Variants in RANGAP1 observed in about 807,000 individuals in gnomAD.
RANGAP1 encodes the protein ran GTPase-activating protein 1.
RANGAP1 carries 38 observed loss-of-function variants against 63.5 expected under a neutral mutation model. That is an observed-to-expected ratio of 0.60 (90% CI 0.46 to 0.78). The LOEUF is 0.78. Among genes scored for constraint, RANGAP1 ranks in the 30% least tolerant of loss-of-function variants. RANGAP1 has a pLI of 0.00. For missense variants in RANGAP1, 630 were observed against 740.3 expected (o/e 0.85, Z 1.73); for synonymous variants, 329 against 310.5 (o/e 1.06, Z -0.63).
chr22:41,249,352 G>A lies in RANGAP1; in HGVS notation c.1672C>T (p.Leu558=), dbSNP rs1693491752. The change falls in exon 15 of 16, where the codon CTG becomes TTG. Residue 558 remains leucine, a synonymous_variant. Transcript: ENST00000356244. ...CACTTGGTCACGAACGCCAGCAGCA[G>A]GGGTGCAAGGGCCTTGGGGAAATAG... ...QDYFPKALAP[L]LLAFVTKPNS... is the part of the protein sequence containing the mutation. The A allele has an allele frequency of 6.2e-7, 1 of 1,609,358 alleles. No individual in the cohort carries two copies. Among genetic ancestry groups the A allele is most frequent in the Admixed American group, 1.7e-5 (1 of 59,548 alleles).
chr22:41,265,358 TC>T (rs1319332552), intron 4 of RANGAP1, among the ~76,000 whole-genome samples: 1 of 151,898 alleles, frequency 6.6e-6, no homozygotes, highest in Non-Finnish European at 1.5e-5. Flanking sequence ...GGAATTAATA[TC>T]CCCAGACCTG....
At chr22:41,273,766 C>CAAAAAAAA (rs71200678) in intron 3 of RANGAP1, among the ~76,000 whole-genome samples, 1,290 of 24,346 alleles carry the variant, frequency 0.053, 305 homozygotes, top group Non-Finnish European at 0.062. Flanking sequence ...GACTCCATCT[C>CAAAAAAAA]AAAAAAAAAA....
At chr22:41,280,885 T>C in intron 2 of RANGAP1, 48 bp downstream of exon 2, 2 of 1,611,186 alleles carry the variant, frequency 1.2e-6, no homozygotes, top group Non-Finnish European at 1.7e-6. Context: ...TTCAGTACAC[T>C]CCCTCTCCTC....
At chr22:41,288,029 A>G (rs539580835), upstream of RANGAP1, among the ~76,000 whole-genome samples, 76 of 152,258 alleles carry the variant, frequency 5.0e-4, no homozygotes, top group African/African-American at 1.8e-3. Flanking sequence ...AGATCATGCC[A>G]TATCCTTTTA....
upstream of RANGAP1, among the ~76,000 whole-genome samples, chr22:41,290,229 C>CT (rs11336113): frequency 3.3e-4 from 36 of 108,250 alleles, no homozygotes; most frequent in South Asian, 1.8e-3. Flanking sequence ...ATTATTATTA[C>CT]TTTTTTTTTT....
chr22:41,246,492 C>G lies in RANGAP1; in HGVS notation c.*111G>C, dbSNP rs926136587. On this transcript the variant is annotated 3_prime_UTR_variant, in exon 16 of 16. Coordinates refer to ENST00000356244, the MANE Select transcript of RANGAP1 (RefSeq NM_002883.4). ...AGGACACATGGGACACAGACCCGCC[C>G]TGCCTGTGGCCAGAGTCCTGTCCAA... 4 of 1,220,476 alleles carry G rather than the reference C, an allele frequency of 3.3e-6. No homozygotes were observed. In the Admixed American group the frequency reaches 6.4e-5, roughly 19 times the overall value. The allele number at this position is 1,220,476 out of a possible 1,614,324, so 75.6% of individuals were successfully genotyped here.
intron 10 of RANGAP1, 24 bp downstream of exon 10, chr22:41,255,996 TC>T: frequency 6.2e-7 from 1 of 1,607,440 alleles, no homozygotes. Flanking sequence ...GACCCCGACC[TC>T]TGGGGCCACC....
chr22:41,258,258 T>C, intron 6 of RANGAP1, 152 bp from the exon 7 acceptor site: 1 of 819,374 alleles, frequency 1.2e-6, no homozygotes, highest in Non-Finnish European at 1.8e-6. Flanking sequence ...TGGCTGCATC[T>C]AACTCTTTCC....
At chr22:41,270,620 G>GT (rs1359983965) in intron 3 of RANGAP1, among the ~76,000 whole-genome samples, 1 of 152,132 alleles carries the variant, frequency 6.6e-6, no homozygotes, top group African/African-American at 2.4e-5. Flanking sequence ...GCTAATTTTT[G>GT]TATCTTTTGT....
At chr22:41,280,900 G>T in intron 2 of RANGAP1, 33 bp downstream of exon 2, 1 of 1,613,062 alleles carries the variant, frequency 6.2e-7, no homozygotes, top group South Asian at 1.1e-5. Flanking sequence ...CTCCTCCCCT[G>T]GACACACCAG....
rs2032968676 is a variant in RANGAP1, at chr22:41,245,490, G to A, written c.*1113C>T. The A allele has an allele frequency of 6.6e-6, 1 of 152,322 alleles. No homozygotes were observed. Among genetic ancestry groups the A allele is most frequent in the Non-Finnish European group, 1.5e-5 (1 of 68,128 alleles). 9.4% of individuals were successfully genotyped at this position (152,322 alleles called of 1,614,324 possible). A position where few individuals can be genotyped will look rare whatever the true frequency, so the allele number is the denominator to read the frequency against. On this transcript the variant is annotated 3_prime_UTR_variant, in exon 16 of 16. Transcript: ENST00000356244. ...GGTAGTGGCCTGAGGCCGAGGCCGGGCCCTTCTGCAGGGCTGACTGCCCCA... is the reference window on the plus strand; with the variant it reads ...GGTAGTGGCCTGAGGCCGAGGCCGGACCCTTCTGCAGGGCTGACTGCCCCA...
intron 4 of RANGAP1, among the ~76,000 whole-genome samples, chr22:41,266,411 C>A (rs1253725142): frequency 3.3e-5 from 5 of 152,148 alleles, no homozygotes; most frequent in Admixed American, 3.3e-4. Context: ...AAAACAAAAA[C>A]CAAAAGAATA....
chr22:41,296,621 T>C, the RANGAP1 span, among the ~76,000 whole-genome samples: 3 of 146,636 alleles, frequency 2.0e-5, no homozygotes, highest in African/African-American at 7.6e-5. Context: ...CACTCTAGCC[T>C]GGGTGACAGA....
At position 41,249,335 on chromosome 22, in the gene RANGAP1, C is replaced by A. The variant is rs1459816686; in HGVS notation, c.1689G>T (p.Val563=). The change falls in exon 15 of 16, where the codon GTG becomes GTT. Residue 563 remains valine (V), a synonymous_variant. Coordinates refer to ENST00000356244, the MANE Select transcript of RANGAP1 (RefSeq NM_002883.4). ...KALAPLLLAF[V]TKPNSALESC... ...AAGGACAAGGCCACACTCACTTGGTCACGAACGCCAGCAGCAGGGGTGCAA... is the reference window on the plus strand; with the variant it reads ...AAGGACAAGGCCACACTCACTTGGTAACGAACGCCAGCAGCAGGGGTGCAA... 6.2e-6 allele frequency: 10 copies of A among 1,601,136 alleles called. No individual in the cohort carries two copies. The East Asian group carries it at 2.2e-4, about 36-fold the overall frequency.
At chr22:41,278,081 G>T (rs2035264234) in intron 2 of RANGAP1, among the ~76,000 whole-genome samples, 1 of 149,278 alleles carries the variant, frequency 6.7e-6, no homozygotes, top group African/African-American at 2.5e-5. Context: ...CTGTCACCGA[G>T]GCTGGAGTAC....
rs9611526 is a variant in RANGAP1, at chr22:41,246,407, C to T, written c.*196G>A. ...AGCAGAAGACGTTAAAACCCAAATCCCGACAGGAGGCACAGACCTGCACAT... is the reference window on the plus strand; with the variant it reads ...AGCAGAAGACGTTAAAACCCAAATCTCGACAGGAGGCACAGACCTGCACAT... On this transcript the variant is annotated 3_prime_UTR_variant, in exon 16 of 16. Transcript: ENST00000356244. 19,219 of 576,118 alleles carry T rather than the reference C, an allele frequency of 0.033. 502 individuals carry two copies. Among genetic ancestry groups the T allele is most frequent in the South Asian group, 0.087 (4,184 of 48,028 alleles). 35.7% of individuals were successfully genotyped at this position (576,118 alleles called of 1,614,324 possible).
At chr22:41,267,251 T>G (rs1049014465) in intron 4 of RANGAP1, among the ~76,000 whole-genome samples, 9 of 151,682 alleles carry the variant, frequency 5.9e-5, no homozygotes, top group African/African-American at 2.2e-4. Context: ...GCACCTGTAA[T>G]CCCAGCTACT....
At chr22:41,256,316 G>A in intron 8 of RANGAP1, 26 bp from the exon 9 acceptor site, 4 of 1,608,412 alleles carry the variant, frequency 2.5e-6, no homozygotes, top group Non-Finnish European at 3.4e-6. Context: ...AGGGTTGGAG[G>A]CAGGCAGAAA....
chr22:41,277,147 G>A (rs1294849421), intron 2 of RANGAP1, among the ~76,000 whole-genome samples: 7 of 133,696 alleles, frequency 5.2e-5, no homozygotes, highest in Non-Finnish European at 1.1e-4. Flanking sequence ...GCGGGATCTC[G>A]GCTCACTGCA....
Sources: gnomAD v4.1 joint callset for allele counts (sites outside exome capture counted in the v4.1 genomes callset) on GRCh38, gnomAD v4.1.1 for gene constraint, MANE v1.5 for transcripts, NCBI Gene and HGNC (gene_info 2026-07-23, HGNC 2026-07-21) for gene names.